DSCAM: variants seen among roughly 807,000 people sequenced by gnomAD.
DSCAM encodes cell adhesion molecule DSCAM.
A neutral mutation model predicts 217.7 loss-of-function variants in DSCAM; 47 were observed. The observed-to-expected ratio is 0.22, with a 90% CI of 0.17 to 0.28. DSCAM has a LOEUF of 0.28. Among genes scored for constraint, DSCAM ranks in the 10% least tolerant of loss-of-function variants. DSCAM has a pLI of 1.00. For missense variants in DSCAM, 2,080 were observed against 2,618.3 expected (o/e 0.79, Z 4.49); for synonymous variants, 1,056 against 1,015.3 (o/e 1.04, Z -0.76).
At chr21:40,142,297 A>G (rs1183472832) in intron 18 of DSCAM, among the ~76,000 whole-genome samples, 2 of 116,704 alleles carry the variant, frequency 1.7e-5, no homozygotes, top group African/African-American at 2.5e-5. Context: ...CATAGACATA[A>G]TTAGGAAAAT....
At chr21:40,235,378 T>C (rs1444130277) in intron 11 of DSCAM, among the ~76,000 whole-genome samples, 1 of 152,180 alleles carries the variant, frequency 6.6e-6, no homozygotes, top group Non-Finnish European at 1.5e-5. Flanking sequence ...TTTCAAAATA[T>C]GGAGGCATTT....
intron 3 of DSCAM, among the ~76,000 whole-genome samples, chr21:40,441,474 A>T (rs1461502770): frequency 6.6e-6 from 1 of 152,218 alleles, no homozygotes; most frequent in Admixed American, 6.5e-5. Flanking sequence ...TTGGTACCAA[A>T]GACAATAGAT....
At chr21:40,506,032 CGG>C (rs2076207722) in intron 3 of DSCAM, among the ~76,000 whole-genome samples, 4 of 152,162 alleles carry the variant, frequency 2.6e-5, no homozygotes, top group Non-Finnish European at 5.9e-5. Flanking sequence ...AAGTGAACCA[CGG>C]ATATGATACT....
chr21:40,563,372 T>G (rs2076735525), intron 3 of DSCAM, among the ~76,000 whole-genome samples: 1 of 151,182 alleles, frequency 6.6e-6, no homozygotes, highest in Non-Finnish European at 1.5e-5. Context: ...CAGGTAGTAT[T>G]ATCATTGATC....
chr21:40,046,562 A>G (rs1163834556), intron 30 of DSCAM, among the ~76,000 whole-genome samples: 1 of 152,234 alleles, frequency 6.6e-6, no homozygotes, highest in Non-Finnish European at 1.5e-5. Context: ...GATGGGGAAG[A>G]GGCTAAATGT....
At position 40,669,848 on chromosome 21, in the gene DSCAM, G is replaced by A. The variant is rs374081593; in HGVS notation, c.508+22962C>T. On this transcript the variant is annotated intron_variant, in intron 3 of 32. Transcript: ENST00000400454. ...GGCCTCCCAAAGTGCTGAGATTACA[G>A]GCATGAGCTACTGCGCCCGACCATG... is the stretch of plus-strand genomic sequence containing the variant. Among the ~76,000 whole-genome samples, 4 of 152,160 alleles carry A rather than the reference G, an allele frequency of 2.6e-5. No individual in the cohort carries two copies. The East Asian group carries it at 7.7e-4, about 29-fold the overall frequency.
At chr21:40,720,825 AGG>A (rs1336143185) in intron 1 of DSCAM, among the ~76,000 whole-genome samples, 1 of 152,192 alleles carries the variant, frequency 6.6e-6, no homozygotes, top group East Asian at 1.9e-4. Context: ...ATGACACTTG[AGG>A]GGACTAAGGC....
intron 11 of DSCAM, among the ~76,000 whole-genome samples, chr21:40,203,420 TCC>T (rs1222402418): frequency 1.3e-5 from 2 of 152,188 alleles, no homozygotes; most frequent in Non-Finnish European, 2.9e-5. Flanking sequence ...GTCTGAATCA[TCC>T]CCCACCTGGG....
At chr21:40,491,125 G>A (rs2076073064) in intron 3 of DSCAM, among the ~76,000 whole-genome samples, 1 of 152,072 alleles carries the variant, frequency 6.6e-6, no homozygotes. Flanking sequence ...CAATTTTAGA[G>A]TCTAAAATTA....
Position 40,189,127 on chromosome 21 carries a change from TTC to T in DSCAM, c.2466_2467del (p.Lys823GlyfsTer6). Reference sequence around the variant, plus strand: ...CTCAGGGTTAATGATTCGGTCCTCCTTCTCCCAGCGGACTATAATGGGCTTCT... The same window carrying T: ...CTCAGGGTTAATGATTCGGTCCTCCTTCCCAGCGGACTATAATGGGCTTCT... On this transcript the variant is annotated frameshift_variant, in exon 12 of 33. Coordinates refer to ENST00000400454, the MANE Select transcript of DSCAM (RefSeq NM_001389.5). LOFTEE classifies it high-confidence loss of function. 1 of 1,614,198 alleles carries T rather than the reference TTC, an allele frequency of 6.2e-7. No individual in the cohort carries two copies. Among genetic ancestry groups the T allele is most frequent in the Non-Finnish European group, 8.5e-7 (1 of 1,180,032 alleles).
intron 3 of DSCAM, among the ~76,000 whole-genome samples, chr21:40,618,134 C>A (rs986101232): frequency 4.6e-5 from 7 of 151,968 alleles, no homozygotes; most frequent in Non-Finnish European, 7.4e-5. Flanking sequence ...ATGAAAGCCT[C>A]GTGTTTCAAT....
intron 3 of DSCAM, among the ~76,000 whole-genome samples, chr21:40,656,716 GA>G (rs2090081089): frequency 1.3e-5 from 2 of 152,104 alleles, no homozygotes; most frequent in African/African-American, 4.8e-5. Flanking sequence ...GTAAAGGCTG[GA>G]GTTTAATTAC....
intron 13 of DSCAM, 142 bp downstream of exon 13, chr21:40,187,749 C>T: frequency 5.1e-6 from 4 of 789,462 alleles, no homozygotes; most frequent in Non-Finnish European, 8.5e-6. Flanking sequence ...TGCTTTAGCA[C>T]TGACATTATA....
intron 30 of DSCAM, among the ~76,000 whole-genome samples, chr21:40,049,537 C>G (rs1392501627): frequency 1.3e-5 from 2 of 152,324 alleles, no homozygotes; most frequent in African/African-American, 4.8e-5. Flanking sequence ...ATGAAAACTA[C>G]TTTAGTTCCA....
chr21:40,684,427 A>C (rs908429401), intron 3 of DSCAM, among the ~76,000 whole-genome samples: 1 of 152,092 alleles, frequency 6.6e-6, no homozygotes, highest in Non-Finnish European at 1.5e-5. Flanking sequence ...TCTGCTCAGA[A>C]GGACAGCCAC....
chr21:40,390,386 A>T (rs2075123130), intron 3 of DSCAM, among the ~76,000 whole-genome samples: 1 of 152,320 alleles, frequency 6.6e-6, no homozygotes, highest in Non-Finnish European at 1.5e-5. Flanking sequence ...TACAAAAATA[A>T]GACCTGAATA....
At chr21:40,701,693 G>T (rs1601144291) in intron 2 of DSCAM, among the ~76,000 whole-genome samples, 1 of 121,728 alleles carries the variant, frequency 8.2e-6, no homozygotes, top group Admixed American at 9.5e-5. Context: ...TTTTGACACA[G>T]ATCATTTAAA....
intron 3 of DSCAM, among the ~76,000 whole-genome samples, chr21:40,458,879 A>G (rs1178895472): frequency 6.6e-6 from 1 of 152,150 alleles, no homozygotes; most frequent in African/African-American, 2.4e-5. Flanking sequence ...ATGACCAAGA[A>G]TTCACTCTTG....
chr21:40,717,277 T>C (rs2090852337), intron 1 of DSCAM, among the ~76,000 whole-genome samples: 1 of 152,196 alleles, frequency 6.6e-6, no homozygotes, highest in South Asian at 2.1e-4. Context: ...GTAAAGAGTG[T>C]CAGGTGCCAA....
Sources: allele counts gnomAD v4.1 joint callset (sites outside exome capture counted in the v4.1 genomes callset), GRCh38; gene constraint gnomAD v4.1.1; transcripts MANE v1.5; gene names NCBI Gene and HGNC (gene_info 2026-07-23, HGNC 2026-07-21).